PPM1E: variants seen among roughly 807,000 people sequenced by gnomAD.
PPM1E encodes the protein protein phosphatase, Mg2+/Mn2+ dependent 1E.
Under a neutral mutation model 65.9 loss-of-function variants are expected in PPM1E, and 20 were observed. That is an observed-to-expected ratio of 0.30 (90% CI 0.21 to 0.44). PPM1E has a LOEUF of 0.44. PPM1E is among the 20% of genes least tolerant of loss of function. The pLI, the probability that PPM1E is intolerant of heterozygous loss-of-function variation, is 1.00. For synonymous variants in PPM1E, 352 were observed against 374.9 expected (o/e 0.94, Z 0.70); for missense variants, 713 against 953.1 (o/e 0.75, Z 3.32).
chr17:58,781,347 G>T (rs1021062938), intron 1 of PPM1E, among the ~76,000 whole-genome samples: 1 of 151,648 alleles, frequency 6.6e-6, no homozygotes, highest in Non-Finnish European at 1.5e-5. Context: ...TGCCACATTG[G>T]CCAAGCTGGT....
intron 1 of PPM1E, among the ~76,000 whole-genome samples, chr17:58,873,562 A>ATAG (rs1275734647): frequency 4.0e-5 from 5 of 123,904 alleles, no homozygotes; most frequent in African/African-American, 1.5e-4. Flanking sequence ...CAAAATGCTC[A>ATAG]TAGTATTATT....
At chr17:58,832,658 A>G (rs1327196896) in intron 1 of PPM1E, among the ~76,000 whole-genome samples, 1 of 152,178 alleles carries the variant, frequency 6.6e-6, no homozygotes, top group African/African-American at 2.4e-5. Flanking sequence ...TAGAAGTTGC[A>G]AAAATAGTAC....
intron 6 of PPM1E, among the ~76,000 whole-genome samples, chr17:58,975,122 G>A (rs1312883010): frequency 6.6e-6 from 1 of 152,114 alleles, no homozygotes; most frequent in Non-Finnish European, 1.5e-5. Flanking sequence ...CGAACCAGAG[G>A]ACTATACTAT....
chr17:58,869,774 A>G lies in PPM1E; in HGVS notation c.465-85875A>G, dbSNP rs142867048. ...CAATCAACCACTTTTTGAAAAACTAAGGGGATAGCATCTAGTAAAGCTTTG... is the reference window on the plus strand; with the variant it reads ...CAATCAACCACTTTTTGAAAAACTAGGGGGATAGCATCTAGTAAAGCTTTG... On this transcript the variant is annotated intron_variant, in intron 1 of 6. Coordinates refer to ENST00000308249, the MANE Select transcript of PPM1E (RefSeq NM_014906.5). 5.8e-3 allele frequency among the ~76,000 whole-genome samples: 883 copies of G among 152,302 alleles called. 5 individuals are homozygous for G. The highest frequency in any genetic ancestry group is 9.5e-3 in the African/African-American group (396 of 41,568).
intron 1 of PPM1E, among the ~76,000 whole-genome samples, chr17:58,898,774 G>T (rs1344802886): frequency 1.3e-5 from 2 of 152,136 alleles, no homozygotes; most frequent in Non-Finnish European, 2.9e-5. Flanking sequence ...GTACATCAAT[G>T]ATAGACTGGA....
intron 1 of PPM1E, among the ~76,000 whole-genome samples, chr17:58,925,914 A>G (rs2051818362): frequency 6.6e-6 from 1 of 152,124 alleles, no homozygotes; most frequent in South Asian, 2.1e-4. Context: ...AAAAATACAT[A>G]TATATAAATG....
chr17:58,790,562 A>G (rs189739918), intron 1 of PPM1E, among the ~76,000 whole-genome samples: 26 of 152,224 alleles, frequency 1.7e-4, no homozygotes, highest in Non-Finnish European at 1.0e-4. Flanking sequence ...ACATTTTGGA[A>G]CTTTGAGGCT....
At chr17:58,949,621 T>G (rs2052209015) in intron 1 of PPM1E, among the ~76,000 whole-genome samples, 1 of 152,158 alleles carries the variant, frequency 6.6e-6, no homozygotes, top group Non-Finnish European at 1.5e-5. Flanking sequence ...TATTATTTAT[T>G]TTTGTGGTTG....
At chr17:58,801,653 G>A (rs956590094) in intron 1 of PPM1E, among the ~76,000 whole-genome samples, 1 of 151,956 alleles carries the variant, frequency 6.6e-6, no homozygotes, top group Middle Eastern at 3.4e-3. Context: ...ATGTTAGCCA[G>A]GATGGTCTTG....
rs553874729 is a variant in PPM1E at position 58,845,917 on chromosome 17, G to C, written c.464+89456G>C. The stretch of plus-strand genomic sequence containing the variant: ...CCTGGTCTCGAACTCCTGACCTCAG[G>C]TGATCTGCCGAACTCGGCCTCCCAA... On this transcript the variant is annotated intron_variant, in intron 1 of 6. Transcript: ENST00000308249. 3.3e-4 allele frequency among the ~76,000 whole-genome samples: 51 copies of C among 152,326 alleles called. 1 individual carries two copies. The highest frequency in any genetic ancestry group is 1.1e-3 in the African/African-American group (47 of 41,558).
chr17:58,862,955 A>AAG (rs2050958578), intron 1 of PPM1E, among the ~76,000 whole-genome samples: 1 of 152,204 alleles, frequency 6.6e-6, no homozygotes, highest in African/African-American at 2.4e-5. Context: ...ATGCTTTCTT[A>AAG]AAAGCTAAAA....
intron 1 of PPM1E, among the ~76,000 whole-genome samples, chr17:58,913,122 G>C (rs564357268): frequency 6.6e-6 from 1 of 152,300 alleles, no homozygotes; most frequent in East Asian, 1.9e-4. Flanking sequence ...ACCTGAAGAG[G>C]GAGTCATGAG....
chr17:58,759,302 C>A (rs148724020), intron 1 of PPM1E, among the ~76,000 whole-genome samples: 1 of 152,032 alleles, frequency 6.6e-6, no homozygotes, highest in Non-Finnish European at 1.5e-5. Context: ...AAGTTTAAAT[C>A]CCCCAAGAGA....
At chr17:58,769,674 A>G (rs1243508014) in intron 1 of PPM1E, among the ~76,000 whole-genome samples, 3 of 152,120 alleles carry the variant, frequency 2.0e-5, no homozygotes, top group African/African-American at 7.2e-5. Context: ...AATCTGTATT[A>G]ATGTCATATA....
At chr17:58,866,699 A>G (rs1349193384) in intron 1 of PPM1E, among the ~76,000 whole-genome samples, 1 of 152,216 alleles carries the variant, frequency 6.6e-6, no homozygotes, top group Admixed American at 6.5e-5. Context: ...CTCATAGTAC[A>G]AAATAATCCC....
intron 1 of PPM1E, among the ~76,000 whole-genome samples, chr17:58,796,640 C>G (rs1256474493): frequency 2.6e-5 from 4 of 152,050 alleles, no homozygotes; most frequent in African/African-American, 9.7e-5. Context: ...TTTTTATTCT[C>G]CAGCATTTAT....
At chr17:58,775,609 T>C (rs1307619797) in intron 1 of PPM1E, among the ~76,000 whole-genome samples, 1 of 152,060 alleles carries the variant, frequency 6.6e-6, no homozygotes, top group East Asian at 1.9e-4. Flanking sequence ...TGTAGTAATA[T>C]TGAGATTTCT....
intron 1 of PPM1E, among the ~76,000 whole-genome samples, chr17:58,895,470 A>G (rs2051401109): frequency 6.6e-6 from 1 of 152,092 alleles, no homozygotes; most frequent in Non-Finnish European, 1.5e-5. Context: ...TGCAAAGGAA[A>G]AGTTCTTGAA....
chr17:58,813,676 ATATTT>A (rs1012091410), intron 1 of PPM1E, among the ~76,000 whole-genome samples: 5 of 152,232 alleles, frequency 3.3e-5, no homozygotes, highest in Non-Finnish European at 7.3e-5. Context: ...AACTGATGAA[ATATTT>A]TATTAAAAAT....
Sources: allele counts gnomAD v4.1 joint callset (sites outside exome capture counted in the v4.1 genomes callset), GRCh38; gene constraint gnomAD v4.1.1; transcripts MANE v1.5; gene names NCBI Gene and HGNC (gene_info 2026-07-23, HGNC 2026-07-21).